The following DOCK6 variants were observed in gnomAD, a reference collection of about 807,000 sequenced individuals.
DOCK6 encodes dedicator of cytokinesis protein 6.
DOCK6 carries 167 observed loss-of-function variants against 230.3 expected under a neutral mutation model. The observed-to-expected ratio is 0.73, with a 90% CI of 0.64 to 0.82. The LOEUF (loss-of-function observed/expected upper bound fraction) is 0.82. DOCK6 is among the 40% of genes least tolerant of loss of function. The probability of loss-of-function intolerance (pLI) is 0.00; values close to 1 mark genes in which losing one functional copy is unlikely to be tolerated. For missense variants in DOCK6, 2,598 were observed against 2,825.8 expected, an observed-to-expected ratio of 0.92 and a Z score of 1.83; for synonymous variants, 1,148 against 1,185.0, an observed-to-expected ratio of 0.97 and a Z score of 0.64.
In DOCK6 at chr19:11,243,475, C is replaced by T; in HGVS notation, c.1258+82G>A. 3 of 1,544,526 alleles carry T rather than the reference C, an allele frequency of 1.9e-6. No homozygotes were observed. The highest frequency in any genetic ancestry group is 2.4e-5 in the East Asian group (1 of 41,374). On this transcript the variant is annotated intron_variant, in intron 11 of 47. Coordinates refer to ENST00000294618, the MANE Select transcript of DOCK6 (RefSeq NM_020812.4). The surrounding 1 kb of genome is among the most constrained non-coding windows in gnomAD (Gnocchi z 6.3). Reference sequence around the variant, plus strand: ...ACAGTTCGGCCAGCAGAGGGCGCACCCCCTCGCCCCGTAGCCCCGCCCCAG... The same window carrying T: ...ACAGTTCGGCCAGCAGAGGGCGCACTCCCTCGCCCCGTAGCCCCGCCCCAG...
chr19:11,217,228 C>T lies in DOCK6; in HGVS notation c.3711+3G>A. 6.2e-7 allele frequency: 1 copy of T among 1,611,660 alleles called. No individual in the cohort carries two copies. The highest frequency in any genetic ancestry group is 8.5e-7 in the Non-Finnish European group (1 of 1,178,818). ...GTCTATGGGGACAAGCCTCCCTACT[C>T]ACCGTTGGTGGCCCCTGGGAGATGC... On this transcript the variant is annotated splice_donor_region_variant and intron_variant, in intron 29 of 47. Transcript: ENST00000294618.
In DOCK6 at chr19:11,237,759, T is replaced by C. The variant is rs1174818222; in HGVS notation, c.1853A>G (p.Glu618Gly). 2 of 1,571,932 alleles carry C rather than the reference T, an allele frequency of 1.3e-6. No individual in the cohort carries two copies. Among genetic ancestry groups the C allele is most frequent in the Non-Finnish European group, 1.7e-6 (2 of 1,159,144 alleles). Residue 618 changes from glutamate (E) to glycine (G), a missense_variant, in exon 17 of 48, where the codon GAG becomes GGG. By Grantham distance (98) the Glu-to-Gly change is moderately conservative. Coordinates refer to ENST00000294618, the MANE Select transcript of DOCK6 (RefSeq NM_020812.4). ...YHNKSPEFYE[E>G]FKLHLPACVT... Reference sequence around the variant, plus strand: ...GCAGGCTGGAAGATGCAGCTTGAACTCCTCGTAGAACTCGGGGGACCTGGC... The same window carrying C: ...GCAGGCTGGAAGATGCAGCTTGAACCCCTCGTAGAACTCGGGGGACCTGGC...
intron 2 of DOCK6, among the ~76,000 whole-genome samples, chr19:11,253,179 A>G (rs77569369): frequency 6.6e-6 from 1 of 152,132 alleles, no homozygotes; most frequent in South Asian, 2.1e-4. Context: ...GGGCTCCAGG[A>G]AGGAAATCAC....
At chr19:11,219,641 C>T (rs2079550762) in intron 28 of DOCK6, among the ~76,000 whole-genome samples, 1 of 151,450 alleles carries the variant, frequency 6.6e-6, no homozygotes, top group African/African-American at 2.4e-5. Flanking sequence ...ACAAAAAAAA[C>T]TAGTCAGGCG....
chr19:11,253,589 T>G, intron 2 of DOCK6, 50 bp downstream of exon 2: 1 of 1,230,722 alleles, frequency 8.1e-7, no homozygotes. Context: ...AGCCCCTACC[T>G]CTGTCTGAGA....
At chr19:11,248,041 AAG>A (rs776331862) in intron 7 of DOCK6, 23 bp downstream of exon 7, 2 of 1,599,756 alleles carry the variant, frequency 1.3e-6, no homozygotes, top group South Asian at 2.3e-5. Flanking sequence ...CGCATCTAAG[AAG>A]AGAGACATGT....
At chr19:11,250,812 T>TA in intron 6 of DOCK6, 62 bp downstream of exon 6, 1 of 1,488,900 alleles carries the variant, frequency 6.7e-7, no homozygotes, top group Admixed American at 1.8e-5. Flanking sequence ...TGAATAAACA[T>TA]GAAGTATACA....
intron 14 of DOCK6, chr19:11,240,304 G>A (rs1374634950): frequency 6.4e-7 from 1 of 1,560,338 alleles, no homozygotes. Flanking sequence ...AAGGTAAGGA[G>A]CTCCCCCAAC....
chr19:11,243,480 C>G lies in DOCK6; in HGVS notation c.1258+77G>C. The G allele has an allele frequency of 6.5e-7, 1 of 1,543,768 alleles. No individual in the cohort carries two copies. Among genetic ancestry groups the G allele is most frequent in the South Asian group, 1.2e-5 (1 of 83,716 alleles). ...TCGGCCAGCAGAGGGCGCACCCCCT[C>G]GCCCCGTAGCCCCGCCCCAGGCCTG... On this transcript the variant is annotated intron_variant, in intron 11 of 47. Transcript: ENST00000294618. The surrounding 1 kb of genome is among the most constrained non-coding windows in gnomAD (Gnocchi z 6.3).
At position 11,233,328 on chromosome 19, in the gene DOCK6, G is replaced by A. The variant is rs768720002; in HGVS notation, c.2593C>T (p.Arg865Cys). The A allele has an allele frequency of 1.1e-5, 17 of 1,613,784 alleles. No homozygotes were observed. The highest frequency in any genetic ancestry group is 2.2e-5 in the South Asian group (2 of 91,066). The change falls in exon 22 of 48, where the codon CGT (arginine) becomes TGT (cysteine). Residue 865 changes from arginine to cysteine, a missense_variant. Physicochemically the swap from Arg to Cys is radical, Grantham distance 180 (BLOSUM62 -3). Transcript: ENST00000294618. ...AGGCTTGCGGGGCGACCAGAGCCAC[G>A]GGCCAGTGTGGCAGCCTGCACTGTC... is the stretch of plus-strand genomic sequence containing the variant. Reference protein sequence around the residue: ...PVTVQAATLARGSGRPASLYL... With the variant: ...PVTVQAATLACGSGRPASLYL...
In DOCK6 at chr19:11,217,311, T is replaced by A. The variant is rs1197226147; in HGVS notation, c.3631A>T (p.Asn1211Tyr). 3 of 1,613,352 alleles carry A rather than the reference T, an allele frequency of 1.9e-6. No individual in the cohort carries two copies. Among genetic ancestry groups the A allele is most frequent in the African/African-American group, 1.3e-5 (1 of 75,060 alleles). The change falls in exon 29 of 48, where the codon AAC becomes TAC. Residue 1211 changes from asparagine (N) to tyrosine (Y), a missense_variant. Asn to Tyr is a moderately radical substitution (Grantham distance 143). Transcript: ENST00000294618. ...GCAATGGCCATGGCCACAGAGGGGT[T>A]GATGGTACCCGCAATGTCCCCTTCG... ...EGEGDIAGTI[N>Y]PSVAMAIAGG...
chr19:11,215,776 A>T, intron 31 of DOCK6, 25 bp downstream of exon 31: 2 of 1,613,624 alleles, frequency 1.2e-6, no homozygotes, highest in Non-Finnish European at 1.7e-6. Flanking sequence ...TGGGATGGGG[A>T]CACGTGGGTA....
At chr19:11,244,937 G>A (rs1248796160) in intron 9 of DOCK6, among the ~76,000 whole-genome samples, 6 of 152,140 alleles carry the variant, frequency 3.9e-5, no homozygotes, top group Non-Finnish European at 8.8e-5. Flanking sequence ...GGCCACTCTG[G>A]GCATGGCTCT....
chr19:11,202,750 T>C lies in DOCK6; in HGVS notation c.5236-41A>G. On this transcript the variant is annotated intron_variant, in intron 41 of 47. Coordinates refer to ENST00000294618, the MANE Select transcript of DOCK6 (RefSeq NM_020812.4). This position sits in a 1 kb window ranked among gnomAD's most constrained non-coding sequence, Gnocchi z 5.3. ...AGGGTGTGGTTGTCCGGGAGGCCCC[T>C]GCTGGAGGTCTCCCTGCCCCAGAGA... 6.2e-7 allele frequency: 1 copy of C among 1,610,034 alleles called. No homozygotes were observed.
chr19:11,213,872 C>T (rs2079435481), intron 34 of DOCK6, among the ~76,000 whole-genome samples: 2 of 151,082 alleles, frequency 1.3e-5, no homozygotes, highest in South Asian at 2.1e-4. Flanking sequence ...TCATGGCTCA[C>T]TGTAGGCTTG....
In DOCK6 at chr19:11,223,383, C is replaced by T. The variant is rs183742137; in HGVS notation, c.2956-277G>A. Among the ~76,000 whole-genome samples, 340 of 152,246 alleles carry T rather than the reference C, an allele frequency of 2.2e-3. 1 individual carries two copies. The highest frequency in any genetic ancestry group is 7.6e-3 in the African/African-American group (316 of 41,536). Reference sequence around the variant, plus strand: ...TCAGAGCTGGGGAGAGACTATATTTCCCAGCCTCCCTTCCAGTTGAACCAC... The same window carrying T: ...TCAGAGCTGGGGAGAGACTATATTTTCCAGCCTCCCTTCCAGTTGAACCAC... On this transcript the variant is annotated intron_variant, in intron 24 of 47. Coordinates refer to ENST00000294618, the MANE Select transcript of DOCK6 (RefSeq NM_020812.4).
In DOCK6 at chr19:11,213,455, G is replaced by C. The variant is rs2079428107; in HGVS notation, c.4339-127C>G. ...TGTCCTCTTTGGCCAAGTACCACTG[G>C]GTTCGGAGTCAGACCTGGGTTTAAG... On this transcript the variant is annotated intron_variant, in intron 34 of 47. Coordinates refer to ENST00000294618, the MANE Select transcript of DOCK6 (RefSeq NM_020812.4). 2.9e-6 allele frequency: 4 copies of C among 1,365,260 alleles called. No individual in the cohort carries two copies. In the Admixed American group the frequency reaches 6.5e-5, roughly 22 times the overall value. 84.6% of individuals were successfully genotyped at this position (1,365,260 alleles called of 1,614,324 possible).
At chr19:11,204,179 G>A (rs781192902) in intron 40 of DOCK6, 21 bp downstream of exon 40, 1 of 1,548,626 alleles carries the variant, frequency 6.5e-7, no homozygotes, top group Non-Finnish European at 8.7e-7. Flanking sequence ...GTGGGGTCTG[G>A]GGAGGGGGTC....
rs578094762 is a variant in DOCK6 at position 11,216,556 on chromosome 19, C to T, written c.3894+358G>A. On this transcript the variant is annotated intron_variant, in intron 30 of 47. Coordinates refer to ENST00000294618, the MANE Select transcript of DOCK6 (RefSeq NM_020812.4). ...CCAAGTAGCTGGGACTACAGGTGCG[C>T]GCCACCACACCCAGCTATTATTTTG... The T allele has an allele frequency of 2.4e-4, 58 of 244,652 alleles. 1 individual carries two copies. The highest frequency in any genetic ancestry group is 1.1e-3 in the South Asian group (23 of 20,688). 15.2% of individuals were successfully genotyped at this position (244,652 alleles called of 1,614,324 possible).
Sources: allele counts gnomAD v4.1 joint callset (sites outside exome capture counted in the v4.1 genomes callset), GRCh38; gene constraint gnomAD v4.1.1; non-coding constraint Gnocchi (gnomAD v3.1); transcripts MANE v1.5; gene names NCBI Gene and HGNC (gene_info 2026-07-23, HGNC 2026-07-21).